ZBTB41: variants seen among roughly 807,000 people sequenced by gnomAD.
The protein encoded by ZBTB41 is zinc finger and BTB domain-containing protein 41.
Under a neutral mutation model 87.6 loss-of-function variants are expected in ZBTB41, and 42 were observed. The ratio of observed to expected loss-of-function variants is 0.48; its 90% CI spans 0.37 to 0.62. The LOEUF (loss-of-function observed/expected upper bound fraction) is 0.62, where lower values mean the gene tolerates loss of function less well. Among genes scored for constraint, ZBTB41 ranks in the 20% least tolerant of loss-of-function variants. The pLI, the probability that ZBTB41 is intolerant of heterozygous loss-of-function variation, is 0.00. For synonymous variants in ZBTB41, 364 were observed against 364.0 expected (o/e 1.00, Z 0.00); for missense variants, 799 against 1,078.9 (o/e 0.74, Z 3.63).
chr1:197,156,548 G>A lies in ZBTB41; in HGVS notation c.*2811C>T, dbSNP rs1472220606. The A allele has an allele frequency of 6.6e-6, 1 of 152,238 alleles. No individual in the cohort carries two copies. The highest frequency in any genetic ancestry group is 1.5e-5 in the Non-Finnish European group (1 of 67,780). 9.4% of individuals were successfully genotyped at this position (152,238 alleles called of 1,614,324 possible). On this transcript the variant is annotated 3_prime_UTR_variant, in exon 11 of 11. Coordinates refer to ENST00000367405, the MANE Select transcript of ZBTB41 (RefSeq NM_194314.3). Reference sequence around the variant, plus strand: ...AATGGATTAGAGTTATAGAGCATTTGTCCAAAATACTCTAAATCAAATATT... The same window carrying A: ...AATGGATTAGAGTTATAGAGCATTTATCCAAAATACTCTAAATCAAATATT...
In ZBTB41 at chr1:197,180,975, G is replaced by A; in HGVS notation, c.1676+13C>T. The A allele has an allele frequency of 6.3e-7, 1 of 1,583,994 alleles. No homozygotes were observed. Among genetic ancestry groups the A allele is most frequent in the Non-Finnish European group, 8.5e-7 (1 of 1,172,608 alleles). On this transcript the variant is annotated intron_variant, in intron 6 of 10. Coordinates refer to ENST00000367405, the MANE Select transcript of ZBTB41 (RefSeq NM_194314.3). ...GTACTAGGATTTTTGTGGGTGTGCA[G>A]ATAATTCTTCACCTTTCTCGTACTG... is the stretch of plus-strand genomic sequence containing the variant.
intron 6 of ZBTB41, among the ~76,000 whole-genome samples, chr1:197,179,523 A>T (rs76389543): frequency 6.7e-6 from 1 of 149,210 alleles, no homozygotes; most frequent in Non-Finnish European, 1.5e-5. Flanking sequence ...TCTACTTATT[A>T]AAAAAAAAAG....
intron 2 of ZBTB41, among the ~76,000 whole-genome samples, chr1:197,196,582 C>T (rs7516246): frequency 0.63 from 96,435 of 152,022 alleles, 32,069 homozygotes; most frequent in East Asian, 0.94. Flanking sequence ...AAAATTCTTA[C>T]AGGCCATGGT....
intron 1 of ZBTB41, 22 bp from the exon 2 acceptor site, chr1:197,200,612 G>T (rs927811314): frequency 2.9e-6 from 2 of 686,036 alleles, no homozygotes; most frequent in South Asian, 5.9e-5. Context: ...TGAGAACCAC[G>T]TAAAATAACT....
chr1:197,159,469 G>T lies in ZBTB41; in HGVS notation c.2620C>A (p.Arg874=), dbSNP rs777868402. The change falls in exon 11 of 11, where the codon CGA becomes AGA. Residue 874 remains arginine (R), a synonymous_variant. Transcript: ENST00000367405. ...CTAGGATCTAGCATTTGTTCAGGTC[G>T]AACTGGGTGAACTATATTTGCAGGT... ...PQPANIVHPV[R]PEQMLDPREQ... The T allele has an allele frequency of 6.2e-7, 1 of 1,613,908 alleles. No individual in the cohort carries two copies. Among genetic ancestry groups the T allele is most frequent in the Non-Finnish European group, 8.5e-7 (1 of 1,179,854 alleles).
At chr1:197,177,720 T>C (rs1659646679) in intron 7 of ZBTB41, among the ~76,000 whole-genome samples, 1 of 152,086 alleles carries the variant, frequency 6.6e-6, no homozygotes, top group Non-Finnish European at 1.5e-5. Flanking sequence ...TCTCTCTATA[T>C]ATATTCTAAT....
intron 1 of ZBTB41, among the ~76,000 whole-genome samples, 192 bp from the exon 2 acceptor site, chr1:197,200,782 G>T (rs1571676680): frequency 6.6e-6 from 1 of 152,184 alleles, no homozygotes; most frequent in African/African-American, 2.4e-5. Context: ...GCCAACAAAA[G>T]AATAATTTTA....
rs369581785 is a variant in ZBTB41, at chr1:197,180,948, T to C, written c.1676+40A>G. ...ATATTGATTGATTATTTCTACATAA[T>C]AGTACTAGGATTTTTGTGGGTGTGC... On this transcript the variant is annotated intron_variant, in intron 6 of 10. Coordinates refer to ENST00000367405, the MANE Select transcript of ZBTB41 (RefSeq NM_194314.3). The C allele has an allele frequency of 1.7e-5, 27 of 1,563,706 alleles. No homozygotes were observed. In the African/African-American group the frequency reaches 3.3e-4, roughly 19 times the overall value.
intron 5 of ZBTB41, among the ~76,000 whole-genome samples, chr1:197,186,977 T>A (rs146241163): frequency 6.6e-6 from 1 of 152,266 alleles, no homozygotes; most frequent in African/African-American, 2.4e-5. Flanking sequence ...CTCCACATTA[T>A]ATGCATCAGG....
chr1:197,196,848 T>C (rs2125142452), intron 2 of ZBTB41, among the ~76,000 whole-genome samples: 1 of 152,280 alleles, frequency 6.6e-6, no homozygotes, highest in East Asian at 1.9e-4. Context: ...CCTTCTGTCT[T>C]GTAAACTGTT....
chr1:197,176,621 A>G lies in ZBTB41; in HGVS notation c.1822T>C (p.Cys608Arg), dbSNP rs758567665. 1 of 1,612,256 alleles carries G rather than the reference A, an allele frequency of 6.2e-7. No individual in the cohort carries two copies. The highest frequency in any genetic ancestry group is 1.7e-4 in the Middle Eastern group (1 of 6,048). Reference protein sequence around the residue: ...HDDKRYECDECGKTFIRHDHL... With the variant: ...HDDKRYECDERGKTFIRHDHL... Reference sequence around the variant, plus strand: ...TCATGACGGATAAATGTTTTTCCACATTCATCGCACTCATATCTTTTATCA... The same window carrying G: ...TCATGACGGATAAATGTTTTTCCACGTTCATCGCACTCATATCTTTTATCA... Residue 608 changes from cysteine to arginine, a missense_variant, in exon 8 of 11, where the codon TGT becomes CGT. Physicochemically the swap from Cys to Arg is radical, Grantham distance 180. Transcript: ENST00000367405.
At position 197,176,686 on chromosome 1, in the gene ZBTB41, A is replaced by C; in HGVS notation, c.1773-16T>G. The C allele has an allele frequency of 6.5e-7, 1 of 1,548,848 alleles. No individual in the cohort carries two copies. Among genetic ancestry groups the C allele is most frequent in the African/African-American group, 1.4e-5 (1 of 73,684 alleles). On this transcript the variant is annotated splice_polypyrimidine_tract_variant and intron_variant, in intron 7 of 10. Transcript: ENST00000367405. ...TAAGTGAAGTCTATAAAGAAAAAAG[A>C]ATTGAACACCATTAAAACTGGTGAC...
At chr1:197,184,824 A>ATTTATTT (rs1280246457) in intron 5 of ZBTB41, among the ~76,000 whole-genome samples, 1 of 151,308 alleles carries the variant, frequency 6.6e-6, no homozygotes, top group Admixed American at 6.6e-5. Flanking sequence ...TTATTTATTT[A>ATTTATTT]TATTTTTGAG....
intron 2 of ZBTB41, among the ~76,000 whole-genome samples, chr1:197,197,072 G>A (rs898669660): frequency 6.6e-6 from 1 of 152,008 alleles, no homozygotes; most frequent in African/African-American, 2.4e-5. Flanking sequence ...CAATAAATAT[G>A]CTAGAACACC....
At chr1:197,190,217 G>A (rs10922179) in intron 4 of ZBTB41, among the ~76,000 whole-genome samples, 28,406 of 151,962 alleles carry the variant, frequency 0.19, 3,967 homozygotes, top group East Asian at 0.7. Context: ...CACCATACTC[G>A]GCCTTGAGTG....
intron 9 of ZBTB41, among the ~76,000 whole-genome samples, chr1:197,172,539 A>G (rs186694824): frequency 1.3e-5 from 2 of 151,852 alleles, no homozygotes; most frequent in African/African-American, 2.4e-5. Context: ...CTGAACTTTT[A>G]TTATTACTAG....
intron 7 of ZBTB41, 149 bp from the exon 8 acceptor site, chr1:197,176,819 G>A: frequency 1.6e-6 from 1 of 618,828 alleles, no homozygotes; most frequent in Non-Finnish European, 2.8e-6. Context: ...GACTTTCAGA[G>A]TCCTTTTCAG....
At chr1:197,197,593 G>GAGGA (rs1391364486) in intron 2 of ZBTB41, among the ~76,000 whole-genome samples, 19 of 150,684 alleles carry the variant, frequency 1.3e-4, no homozygotes, top group African/African-American at 2.7e-4. Context: ...GCGAGGGAGG[G>GAGGA]AGGAAGGAAG....
intron 9 of ZBTB41, among the ~76,000 whole-genome samples, chr1:197,172,696 C>A (rs1397498505): frequency 2.0e-5 from 3 of 151,994 alleles, no homozygotes; most frequent in African/African-American, 7.2e-5. Context: ...GTGATGATTA[C>A]ATGACTTGCA....
Sources: allele counts gnomAD v4.1 joint callset (sites outside exome capture counted in the v4.1 genomes callset), GRCh38; gene constraint gnomAD v4.1.1; transcripts MANE v1.5; gene names NCBI Gene and HGNC (gene_info 2026-07-23, HGNC 2026-07-21).